EEFSEC: variants seen among roughly 807,000 people sequenced by gnomAD.
The protein encoded by EEFSEC is selenocysteine-specific elongation factor.
Under a neutral mutation model 42.1 loss-of-function variants are expected in EEFSEC, and 43 were observed. The ratio of observed to expected loss-of-function variants is 1.02; its 90% CI spans 0.80 to 1.32. The LOEUF is 1.32. EEFSEC is among the 40% of genes most tolerant of loss of function. The pLI is 0.00. For synonymous variants in EEFSEC, 354 were observed against 339.1 expected (o/e 1.04, Z -0.48); for missense variants, 745 against 803.6 (o/e 0.93, Z 0.88).
chr3:128,241,085 C>T (rs2066065289), intron 1 of EEFSEC, among the ~76,000 whole-genome samples: 1 of 151,866 alleles, frequency 6.6e-6, no homozygotes, highest in African/African-American at 2.4e-5. Flanking sequence ...CTCAGAGTTT[C>T]AGGGTACTGT....
the EEFSEC span, among the ~76,000 whole-genome samples, chr3:128,416,315 C>T: frequency 1.3e-5 from 2 of 152,176 alleles, no homozygotes; most frequent in Admixed American, 6.5e-5. Context: ...CAGCAGGGCC[C>T]CGGCCTGGCC....
chr3:128,425,491 G>C, the EEFSEC span, among the ~76,000 whole-genome samples: 1 of 152,344 alleles, frequency 6.6e-6, no homozygotes, highest in Non-Finnish European at 1.5e-5. Context: ...GTGAGCATCG[G>C]TGCTTCTCTC....
In EEFSEC at chr3:128,408,359, T is replaced by G. The variant is rs1336173729; in HGVS notation, c.*100T>G. On this transcript the variant is annotated 3_prime_UTR_variant, in exon 7 of 7. Coordinates refer to ENST00000254730, the MANE Select transcript of EEFSEC (RefSeq NM_021937.5). The stretch of plus-strand genomic sequence containing the variant: ...GCCTCAGCCTCTCCCAGTCTCTCCC[T>G]GCAGTCCTGCAGCAGCAGCCCCCAC... 1 of 1,253,378 alleles carries G rather than the reference T, an allele frequency of 8.0e-7. No homozygotes were observed. The highest frequency in any genetic ancestry group is 1.1e-6 in the Non-Finnish European group (1 of 911,570). 77.6% of individuals were successfully genotyped at this position (1,253,378 alleles called of 1,614,324 possible). A position where few individuals can be genotyped will look rare whatever the true frequency, so the allele number is the denominator to read the frequency against.
intron 2 of EEFSEC, among the ~76,000 whole-genome samples, chr3:128,250,035 A>G (rs138082749): frequency 6.6e-6 from 1 of 152,238 alleles, no homozygotes; most frequent in Non-Finnish European, 1.5e-5. Context: ...TTTAATGGCC[A>G]TTTGTGTATC....
At chr3:128,275,817 T>C (rs775468498) in intron 4 of EEFSEC, among the ~76,000 whole-genome samples, 6 of 152,144 alleles carry the variant, frequency 3.9e-5, no homozygotes, top group Non-Finnish European at 5.9e-5. Flanking sequence ...GGGTGGTTCG[T>C]AGGTGGTTGT....
At chr3:128,295,053 G>T (rs926883704) in intron 4 of EEFSEC, among the ~76,000 whole-genome samples, 2 of 152,210 alleles carry the variant, frequency 1.3e-5, no homozygotes, top group African/African-American at 4.8e-5. Context: ...CACCATGTGT[G>T]GTGTTTGTCC....
chr3:128,351,761 C>T (rs114579870), intron 5 of EEFSEC, among the ~76,000 whole-genome samples: 1,687 of 152,328 alleles, frequency 0.011, 30 homozygotes, highest in African/African-American at 0.039. Context: ...TGTAAGCAAG[C>T]GCCTGGACTT....
At chr3:128,176,528 A>T (rs2065349911) in intron 1 of EEFSEC, among the ~76,000 whole-genome samples, 1 of 152,212 alleles carries the variant, frequency 6.6e-6, no homozygotes, top group Non-Finnish European at 1.5e-5. Context: ...TTGCACACTG[A>T]TAGGTACCAA....
chr3:128,336,709 C>G lies in EEFSEC; in HGVS notation c.787-4524C>G, dbSNP rs373478212. Reference sequence around the variant, plus strand: ...CAGGGAAGTCCTCCCTGACTACCCACAATGAATTAGGTCTCCCAGTTGTTC... The same window carrying G: ...CAGGGAAGTCCTCCCTGACTACCCAGAATGAATTAGGTCTCCCAGTTGTTC... On this transcript the variant is annotated intron_variant, in intron 4 of 6. Coordinates refer to ENST00000254730, the MANE Select transcript of EEFSEC (RefSeq NM_021937.5). Among the ~76,000 whole-genome samples, 5 of 152,366 alleles carry G rather than the reference C, an allele frequency of 3.3e-5. No individual in the cohort carries two copies. In the South Asian group the frequency reaches 1.0e-3, roughly 32 times the overall value.
At chr3:128,196,058 G>C (rs755492409) in intron 1 of EEFSEC, among the ~76,000 whole-genome samples, 11 of 152,270 alleles carry the variant, frequency 7.2e-5, no homozygotes, top group Non-Finnish European at 1.6e-4. Flanking sequence ...CAGTGCTGTA[G>C]CCAGGAGGAA....
chr3:128,218,255 C>A (rs1242637519), intron 1 of EEFSEC, among the ~76,000 whole-genome samples: 1 of 152,176 alleles, frequency 6.6e-6, no homozygotes. Context: ...CTTCAGTTGG[C>A]TCTGGCCCCT....
chr3:128,367,598 G>A, intron 6 of EEFSEC: 1 of 979,792 alleles, frequency 1.0e-6, no homozygotes, highest in Non-Finnish European at 1.2e-6. Flanking sequence ...CCTACCTCAG[G>A]GATGCCGTGA....
At chr3:128,337,817 T>C (rs1212289309) in intron 4 of EEFSEC, among the ~76,000 whole-genome samples, 1 of 152,196 alleles carries the variant, frequency 6.6e-6, no homozygotes, top group Admixed American at 6.5e-5. Context: ...CGTGTATCAA[T>C]GGGGTGTCTT....
At chr3:128,310,595 A>G (rs970417963) in intron 4 of EEFSEC, among the ~76,000 whole-genome samples, 2 of 152,236 alleles carry the variant, frequency 1.3e-5, no homozygotes, top group Non-Finnish European at 2.9e-5. Flanking sequence ...CCTTTTCCTC[A>G]TAATCACTGT....
chr3:128,211,186 C>G (rs1373051358), intron 1 of EEFSEC, among the ~76,000 whole-genome samples: 1 of 152,182 alleles, frequency 6.6e-6, no homozygotes, highest in Non-Finnish European at 1.5e-5. Flanking sequence ...AATATGGGTG[C>G]TATTGCCCTT....
intron 4 of EEFSEC, among the ~76,000 whole-genome samples, chr3:128,280,001 G>A (rs1349756791): frequency 6.6e-6 from 1 of 152,210 alleles, no homozygotes; most frequent in Non-Finnish European, 1.5e-5. Flanking sequence ...TATGTGGAAA[G>A]ACCACCATTA....
chr3:128,268,023 A>T (rs2066373139), intron 4 of EEFSEC, among the ~76,000 whole-genome samples: 1 of 152,252 alleles, frequency 6.6e-6, no homozygotes, highest in Non-Finnish European at 1.5e-5. Flanking sequence ...AACACATGTT[A>T]TCCTTCAAAA....
At chr3:128,330,739 C>T (rs996782576) in intron 4 of EEFSEC, among the ~76,000 whole-genome samples, 25 of 151,964 alleles carry the variant, frequency 1.6e-4, no homozygotes, top group African/African-American at 6.0e-4. Flanking sequence ...CAGTGCATCT[C>T]CCCTCTTCCC....
chr3:128,229,202 T>G (rs2065936270), intron 1 of EEFSEC, among the ~76,000 whole-genome samples: 1 of 152,230 alleles, frequency 6.6e-6, no homozygotes, highest in Non-Finnish European at 1.5e-5. Flanking sequence ...ATATGTATAC[T>G]GTGGCTATGA....
Sources: gnomAD v4.1 joint callset for allele counts (sites outside exome capture counted in the v4.1 genomes callset) on GRCh38, gnomAD v4.1.1 for gene constraint, MANE v1.5 for transcripts, NCBI Gene and HGNC (gene_info 2026-07-23, HGNC 2026-07-21) for gene names.